The following TDRD1 variants were observed in gnomAD, a reference collection of about 807,000 sequenced individuals.
TDRD1 encodes tudor domain containing 1.
TDRD1 carries 37 observed loss-of-function variants against 140.6 expected under a neutral mutation model. The observed-to-expected ratio is 0.26, with a 90% confidence interval of 0.20 to 0.35. The LOEUF (loss-of-function observed/expected upper bound fraction) is 0.35, where lower values mean the gene tolerates loss of function less well. Ranked by LOEUF, TDRD1 falls within the 10% of genes least tolerant of loss-of-function variation. TDRD1 has a pLI of 1.00. For synonymous variants in TDRD1, 506 were observed against 475.7 expected, an observed-to-expected ratio of 1.06 and a Z score of -0.83; for missense variants, 1,243 against 1,393.0, an observed-to-expected ratio of 0.89 and a Z score of 1.71.
In TDRD1 at chr10:114,184,049, T is replaced by C. The variant is rs115277483; in HGVS notation, c.-6-3777T>C. ...TTTTAAAAACCCCATAGATATATAC[T>C]TATATATTTCTAAATTGCTTCCCAG... On this transcript the variant is annotated intron_variant, in intron 1 of 25. Coordinates refer to ENST00000251864, the Ensembl canonical transcript of TDRD1. Among the ~76,000 whole-genome samples the C allele has an allele frequency of 5.0e-3, 764 of 152,290 alleles. 7 individuals are homozygous for C. Among genetic ancestry groups the C allele is most frequent in the African/African-American group, 0.018 (733 of 41,554 alleles).
At position 114,231,581 on chromosome 10, in the gene TDRD1, A is replaced by C. The variant is rs1209432353; in HGVS notation, c.*64A>C. 3.7e-6 allele frequency: 5 copies of C among 1,357,606 alleles called. No individual in the cohort carries two copies. The African/African-American group carries it at 6.0e-5, about 16-fold the overall frequency. The allele number at this position is 1,357,606 out of a possible 1,614,324, so 84.1% of individuals were successfully genotyped here. On this transcript the variant is annotated 3_prime_UTR_variant, in exon 26 of 26. Transcript: ENST00000251864. ...ACAGCACCTGGTGTTTTTATTTATG[A>C]GAACCTTTTCTTTGTCCACTTTCTC...
exon 21 of TDRD1, chr10:114,222,701 C>T (rs1161190397): frequency 3.8e-6 from 6 of 1,565,822 alleles, no homozygotes; most frequent in Non-Finnish European, 5.3e-6. Context: ...GCCAAATACA[C>T]AAGTAAGGTT....
At chr10:114,219,778 G>A (rs1233881753) in intron 18 of TDRD1, among the ~76,000 whole-genome samples, 1 of 151,996 alleles carries the variant, frequency 6.6e-6, no homozygotes, top group South Asian at 2.1e-4. Context: ...TTTTAGTAGA[G>A]ACGGGGTTTC....
chr10:114,206,456 A>G (rs902483158), intron 11 of TDRD1, 126 bp downstream of exon 11: 4 of 636,274 alleles, frequency 6.3e-6, no homozygotes, highest in African/African-American at 1.8e-5. Context: ...TGAGCAATTT[A>G]AATACGCTGT....
At chr10:114,218,222 A>G (rs1247804029) in intron 17 of TDRD1, among the ~76,000 whole-genome samples, 192 bp from the exon 18 acceptor site, 2 of 152,244 alleles carry the variant, frequency 1.3e-5, no homozygotes, top group Non-Finnish European at 2.9e-5. Context: ...TTTTGGAGAT[A>G]GTCTAAAAAT....
At chr10:114,178,016 T>A (rs2032754151), upstream of TDRD1, among the ~76,000 whole-genome samples, 1 of 151,768 alleles carries the variant, frequency 6.6e-6, no homozygotes. Flanking sequence ...TTTATTTTTT[T>A]ATTTTAAGTA....
intron 17 of TDRD1, 46 bp from the exon 18 acceptor site, chr10:114,218,368 G>A (rs772736914): frequency 3.0e-6 from 4 of 1,311,614 alleles, no homozygotes; most frequent in South Asian, 2.3e-5. Flanking sequence ...TTCAAGTGTC[G>A]ATAGAAAGGA....
At chr10:114,178,206 A>G (rs369726662), upstream of TDRD1, among the ~76,000 whole-genome samples, 4 of 152,248 alleles carry the variant, frequency 2.6e-5, no homozygotes, top group East Asian at 7.7e-4. Flanking sequence ...TAAAAGACAC[A>G]TCAACTAAAG....
chr10:114,211,047 A>G (rs988344972), intron 13 of TDRD1, 80 bp downstream of exon 13: 7 of 1,177,550 alleles, frequency 5.9e-6, no homozygotes, highest in Non-Finnish European at 8.3e-6. Flanking sequence ...CCATTGAAAC[A>G]GAGTCTTTGG....
chr10:114,184,784 A>AT (rs1052540731), intron 1 of TDRD1, among the ~76,000 whole-genome samples: 7 of 151,912 alleles, frequency 4.6e-5, no homozygotes, highest in Non-Finnish European at 1.0e-4. Context: ...TTCCTTTGTG[A>AT]TTTTTTTAAC....
chr10:114,228,075 A>G, exon 25 of TDRD1: 1 of 1,607,860 alleles, frequency 6.2e-7, no homozygotes, highest in Non-Finnish European at 8.5e-7. Flanking sequence ...TTCCTCTTAA[A>G]CAATTCAACC....
chr10:114,212,466 T>C lies in TDRD1; in HGVS notation c.1831+430T>C, dbSNP rs559896118. Among the ~76,000 whole-genome samples the C allele has an allele frequency of 4.6e-5, 7 of 152,332 alleles. No individual in the cohort carries two copies. In the South Asian group the frequency reaches 1.0e-3, roughly 23 times the overall value. ...AGTTTACATGCCCAACGAAAAAGTATGAGAGAGTCCATTCTCATACACATT... is the reference window on the plus strand; with the variant it reads ...AGTTTACATGCCCAACGAAAAAGTACGAGAGAGTCCATTCTCATACACATT... On this transcript the variant is annotated intron_variant, in intron 14 of 25. Transcript: ENST00000251864.
At chr10:114,180,351 A>G (rs2032938692) in intron 1 of TDRD1, among the ~76,000 whole-genome samples, 1 of 152,210 alleles carries the variant, frequency 6.6e-6, no homozygotes, top group African/African-American at 2.4e-5. Flanking sequence ...TCCTAGAAAG[A>G]TGAAGTGATT....
At chr10:114,188,198 G>A (rs755929662) in intron 2 of TDRD1, 42 bp downstream of exon 2, 2 of 1,518,626 alleles carry the variant, frequency 1.3e-6, no homozygotes, top group Admixed American at 2.2e-5. Context: ...CATTCTCATG[G>A]TTTCTGTGAC....
At chr10:114,206,384 C>G in intron 11 of TDRD1, 54 bp downstream of exon 11, 1 of 1,445,454 alleles carries the variant, frequency 6.9e-7, no homozygotes, top group South Asian at 1.2e-5. Flanking sequence ...TGAAGACCAT[C>G]TACCTACTAA....
intron 13 of TDRD1, 123 bp from the exon 14 acceptor site, chr10:114,211,743 C>T (rs2035496712): frequency 1.0e-6 from 1 of 959,360 alleles, no homozygotes; most frequent in African/African-American, 1.7e-5. Context: ...AAACATTGTT[C>T]TATAAGCTTG....
intron 1 of TDRD1, among the ~76,000 whole-genome samples, chr10:114,181,832 C>T (rs1305286775): frequency 1.4e-4 from 17 of 123,806 alleles, no homozygotes; most frequent in African/African-American, 5.0e-4. Flanking sequence ...GGCGATGGAG[C>T]GAGACAACAT....
At chr10:114,225,582 G>A (rs746085202) in intron 21 of TDRD1, among the ~76,000 whole-genome samples, 1 of 151,964 alleles carries the variant, frequency 6.6e-6, no homozygotes, top group Non-Finnish European at 1.5e-5. Context: ...AAATCTGGCC[G>A]GGTACAGTGG....
chr10:114,220,677 G>A, exon 19 of TDRD1: 2 of 1,611,864 alleles, frequency 1.2e-6, no homozygotes, highest in Non-Finnish European at 1.7e-6. Context: ...CTGAAAATGG[G>A]ATAGGAGTTG....
Sources: allele counts gnomAD v4.1 joint callset (sites outside exome capture counted in the v4.1 genomes callset), GRCh38; gene constraint gnomAD v4.1.1; transcripts MANE v1.5; gene names NCBI Gene and HGNC (gene_info 2026-07-23, HGNC 2026-07-21).